The following ARMC9 variants were observed in gnomAD, a reference collection of about 807,000 sequenced individuals.
The protein encoded by ARMC9 is lisH domain-containing protein ARMC9.
In ARMC9, 94 loss-of-function variants were observed where a neutral mutation model predicts 107.0. That is an observed-to-expected ratio of 0.88 (90% confidence interval 0.74 to 1.04). ARMC9 has a LOEUF of 1.04. ARMC9 is among the 50% of genes least tolerant of loss of function. The probability of loss-of-function intolerance (pLI) is 0.00; values close to 1 mark genes in which losing one functional copy is unlikely to be tolerated. For missense variants in ARMC9, 942 were observed against 1,030.1 expected, an observed-to-expected ratio of 0.91 and a Z score of 1.17; for synonymous variants, 380 against 396.9, an observed-to-expected ratio of 0.96 and a Z score of 0.51.
rs531795145 is a variant in ARMC9, at chr2:231,256,430, C to G, written c.880-156C>G. 63 of 1,120,876 alleles carry G rather than the reference C, an allele frequency of 5.6e-5. 2 individuals carry two copies. In the South Asian group the frequency reaches 7.4e-4, roughly 13 times the overall value. The allele number at this position is 1,120,876 out of a possible 1,614,324, so 69.4% of individuals were successfully genotyped here. The stretch of plus-strand genomic sequence containing the variant: ...AATTGAGATGCTCCTTTAAATAAAG[C>G]GTTTGTGTTTCAAGTTAAAAAAAAA... On this transcript the variant is annotated intron_variant, in intron 9 of 24. Transcript: ENST00000611582.
chr2:231,328,375 G>A (rs182555990), intron 19 of ARMC9, among the ~76,000 whole-genome samples: 13 of 152,106 alleles, frequency 8.5e-5, no homozygotes, highest in African/African-American at 2.2e-4. Context: ...TCTTAACAGC[G>A]TCTTTTCACC....
chr2:231,341,337 A>G (rs76225678), intron 20 of ARMC9, among the ~76,000 whole-genome samples: 2,924 of 152,236 alleles, frequency 0.019, 109 homozygotes, highest in African/African-American at 0.066. Context: ...TCTGTGATCA[A>G]CTCAGGAAGA....
chr2:231,325,793 A>G (rs544757692), intron 19 of ARMC9, among the ~76,000 whole-genome samples: 2 of 152,304 alleles, frequency 1.3e-5, no homozygotes, highest in South Asian at 4.1e-4. Flanking sequence ...GGGCCTCACA[A>G]CAGGATTACC....
intron 21 of ARMC9, among the ~76,000 whole-genome samples, chr2:231,351,801 C>G (rs1431786525): frequency 2.6e-5 from 4 of 151,962 alleles, no homozygotes; most frequent in Non-Finnish European, 5.9e-5. Context: ...CTTGGTGAAC[C>G]AGTAAGTACA....
intron 1 of ARMC9, among the ~76,000 whole-genome samples, chr2:231,205,755 G>T (rs1005055349): frequency 1.3e-5 from 2 of 152,246 alleles, no homozygotes; most frequent in Non-Finnish European, 2.9e-5. Context: ...TGAAGTCAAG[G>T]TGTCTGCAGT....
At chr2:231,285,645 C>CAAA (rs202061783) in intron 17 of ARMC9, among the ~76,000 whole-genome samples, 1 of 140,646 alleles carries the variant, frequency 7.1e-6, no homozygotes, top group Admixed American at 7.1e-5. Flanking sequence ...GACTCCGTCT[C>CAAA]AAAAAAAAAA....
chr2:231,212,826 C>T (rs971205980), intron 3 of ARMC9, among the ~76,000 whole-genome samples: 6 of 152,154 alleles, frequency 3.9e-5, no homozygotes, highest in Non-Finnish European at 7.3e-5. Flanking sequence ...CGCCTGTGTC[C>T]GGGAGGAACA....
chr2:231,199,820 C>T (rs559480948), intron 1 of ARMC9, among the ~76,000 whole-genome samples: 2 of 152,210 alleles, frequency 1.3e-5, no homozygotes, highest in African/African-American at 4.8e-5. Context: ...CTCAGCCTCC[C>T]TGGTAGCTGG....
At chr2:231,226,499 G>A (rs2034657901) in intron 6 of ARMC9, among the ~76,000 whole-genome samples, 1 of 152,186 alleles carries the variant, frequency 6.6e-6, no homozygotes, top group African/African-American at 2.4e-5. Flanking sequence ...ATAGGAAGGG[G>A]ATAGGAGGCT....
At chr2:231,202,034 CTG>C (rs2031099145) in intron 1 of ARMC9, among the ~76,000 whole-genome samples, 2 of 143,230 alleles carry the variant, frequency 1.4e-5, no homozygotes, top group Non-Finnish European at 3.0e-5. Flanking sequence ...GAGTCTCACT[CTG>C]TTGCCCAGGA....
intron 19 of ARMC9, 117 bp downstream of exon 19, chr2:231,296,370 A>G: frequency 2.1e-6 from 2 of 940,400 alleles, no homozygotes; most frequent in African/African-American, 1.7e-5. Flanking sequence ...ACTATTTCTC[A>G]CAATTCTGAG....
chr2:231,237,753 G>GTATATATGTATA (rs1400573205), intron 8 of ARMC9, among the ~76,000 whole-genome samples: 36 of 24,442 alleles, frequency 1.5e-3, no homozygotes, highest in African/African-American at 3.1e-3. Context: ...TTGGCTATAT[G>GTATATATGTATA]TATATATATA....
chr2:231,291,868 AC>A (rs2041023541), intron 18 of ARMC9, among the ~76,000 whole-genome samples: 1 of 151,296 alleles, frequency 6.6e-6, no homozygotes, highest in African/African-American at 2.4e-5. Context: ...GAACCCATAG[AC>A]AAAAGTTCAG....
intron 19 of ARMC9, among the ~76,000 whole-genome samples, chr2:231,303,488 G>A (rs1484331306): frequency 3.3e-5 from 5 of 152,136 alleles, no homozygotes; most frequent in African/African-American, 9.7e-5. Flanking sequence ...CGTTAGCTGG[G>A]ATTTTTTCAT....
chr2:231,289,934 C>T (rs2040873168), intron 17 of ARMC9, among the ~76,000 whole-genome samples: 1 of 152,198 alleles, frequency 6.6e-6, no homozygotes, highest in South Asian at 2.1e-4. Flanking sequence ...AGCCACGAAC[C>T]CCTACTGGAC....
chr2:231,370,037 G>A lies in ARMC9; in HGVS notation c.2346G>A (p.Ala782=), dbSNP rs771908313. ...MLDWNPPKAK[A]SVLAPLFSSC... ...ACTGGAACCCACCCAAGGCAAAGGCGTCAGTTCTGGCCCCTCTGTTCTCTT... is the reference window on the plus strand; with the variant it reads ...ACTGGAACCCACCCAAGGCAAAGGCATCAGTTCTGGCCCCTCTGTTCTCTT... The change falls in exon 24 of 25, where the codon GCG becomes GCA. Residue 782 remains alanine (A), a synonymous_variant. Transcript: ENST00000611582. 91 of 1,535,814 alleles carry A rather than the reference G, an allele frequency of 5.9e-5. No individual in the cohort carries two copies. The highest frequency in any genetic ancestry group is 7.4e-5 in the Non-Finnish European group (85 of 1,146,740).
At chr2:231,331,507 G>A (rs2043733571) in intron 19 of ARMC9, among the ~76,000 whole-genome samples, 1 of 152,164 alleles carries the variant, frequency 6.6e-6, no homozygotes. Context: ...ACTGTGATTA[G>A]GAGAGACTTT....
chr2:231,278,445 A>G lies in ARMC9; in HGVS notation c.1538A>G (p.His513Arg). 1 of 1,614,044 alleles carries G rather than the reference A, an allele frequency of 6.2e-7. No individual in the cohort carries two copies. Among genetic ancestry groups the G allele is most frequent in the Non-Finnish European group, 8.5e-7 (1 of 1,180,014 alleles). The part of the protein sequence containing the change: ...VLKVLSDLLG[H>R]ENHEIQPYVN... ...AAAGTCCTTTCGGATCTTCTTGGCC[A>G]TGAAAACCATGAGGTACTCATTCAG... Residue 513 changes from histidine to arginine, a missense_variant, in exon 16 of 25, where the codon CAT (histidine) becomes CGT (arginine). By Grantham distance (29) the His-to-Arg change is conservative (BLOSUM62 0). Transcript: ENST00000611582.
chr2:231,291,763 C>T (rs957473935), intron 18 of ARMC9, among the ~76,000 whole-genome samples: 1 of 149,782 alleles, frequency 6.7e-6, no homozygotes, highest in East Asian at 2.0e-4. Flanking sequence ...TGCAGTGAGC[C>T]GAGATTGCAC....
Sources: gnomAD v4.1 joint callset for allele counts (sites outside exome capture counted in the v4.1 genomes callset) on GRCh38, gnomAD v4.1.1 for gene constraint, MANE v1.5 for transcripts, NCBI Gene and HGNC (gene_info 2026-07-23, HGNC 2026-07-21) for gene names.